The following KCNK10 variants were observed in gnomAD, a reference collection of about 807,000 sequenced individuals.
The protein encoded by KCNK10 is potassium two pore domain channel subfamily K member 10.
In KCNK10, 25 loss-of-function variants were observed where a neutral mutation model predicts 47.7. That is an observed-to-expected ratio of 0.52 (90% CI 0.38 to 0.73). The LOEUF is 0.73. KCNK10 is among the 30% of genes least tolerant of loss of function. The probability of loss-of-function intolerance (pLI) is 0.00; values close to 1 mark genes in which losing one functional copy is unlikely to be tolerated. For synonymous variants in KCNK10, 303 were observed against 285.6 expected, an observed-to-expected ratio of 1.06 and a Z score of -0.61; for missense variants, 563 against 714.5, an observed-to-expected ratio of 0.79 and a Z score of 2.42.
intron 1 of KCNK10, among the ~76,000 whole-genome samples, chr14:88,312,033 C>T (rs1888339027): frequency 1.3e-5 from 2 of 152,116 alleles, no homozygotes; most frequent in Non-Finnish European, 2.9e-5. Flanking sequence ...ACACTCTCAC[C>T]CTGTCCCAGA....
chr14:88,207,926 G>T (rs1334611938), intron 4 of KCNK10, among the ~76,000 whole-genome samples: 1 of 152,202 alleles, frequency 6.6e-6, no homozygotes, highest in Admixed American at 6.5e-5. Context: ...AGACCAGGAG[G>T]AGGGTACAGA....
At chr14:88,325,317 G>C (rs1270572828), upstream of KCNK10, among the ~76,000 whole-genome samples, 1 of 152,168 alleles carries the variant, frequency 6.6e-6, no homozygotes, top group Admixed American at 6.5e-5. Flanking sequence ...GAGTCAGAGA[G>C]GGGCTTCAGC....
chr14:88,269,830 G>A (rs1261822363), intron 1 of KCNK10, among the ~76,000 whole-genome samples: 1 of 152,180 alleles, frequency 6.6e-6, no homozygotes, highest in Non-Finnish European at 1.5e-5. Context: ...GGGCCAGAGA[G>A]GGGACACTGA....
chr14:88,202,509 C>T (rs1422515596), intron 4 of KCNK10, among the ~76,000 whole-genome samples: 4 of 152,224 alleles, frequency 2.6e-5, no homozygotes, highest in Non-Finnish European at 5.9e-5. Context: ...CTTTGAACCA[C>T]ACCCATGCAG....
intron 1 of KCNK10, among the ~76,000 whole-genome samples, chr14:88,267,223 T>C (rs1463360358): frequency 6.6e-6 from 1 of 152,082 alleles, no homozygotes; most frequent in African/African-American, 2.4e-5. Context: ...TTGTCAGGAG[T>C]ACCGGCACAG....
intron 1 of KCNK10, among the ~76,000 whole-genome samples, chr14:88,264,384 GT>G (rs1887200274): frequency 6.6e-6 from 1 of 152,224 alleles, no homozygotes; most frequent in African/African-American, 2.4e-5. Context: ...CTGCACTTCA[GT>G]TTTGTTCTCC....
upstream of KCNK10, among the ~76,000 whole-genome samples, chr14:88,324,046 G>A (rs530662662): frequency 6.6e-6 from 1 of 152,314 alleles, no homozygotes; most frequent in East Asian, 1.9e-4. Context: ...GCCGGACTGG[G>A]GCCGCTGGTC....
At chr14:88,270,896 A>G in intron 1 of KCNK10, 3 of 769,566 alleles carry the variant, frequency 3.9e-6, no homozygotes, top group South Asian at 2.7e-5. Flanking sequence ...AGTAAAGTGC[A>G]GGCTCCATGC....
At chr14:88,314,354 C>A (rs1357558392) in intron 1 of KCNK10, among the ~76,000 whole-genome samples, 1 of 152,184 alleles carries the variant, frequency 6.6e-6, no homozygotes. Context: ...GGGCCCTCAC[C>A]AGATGCCAAA....
At chr14:88,238,659 G>C (rs916560721) in intron 3 of KCNK10, among the ~76,000 whole-genome samples, 1 of 152,188 alleles carries the variant, frequency 6.6e-6, no homozygotes, top group Non-Finnish European at 1.5e-5. Context: ...GGGTGACACA[G>C]AGAGATCCTG....
At chr14:88,246,940 G>A (rs189680592) in intron 2 of KCNK10, among the ~76,000 whole-genome samples, 1 of 152,156 alleles carries the variant, frequency 6.6e-6, no homozygotes, top group East Asian at 1.9e-4. Context: ...GAACCCTTTC[G>A]GAGCACTTCC....
upstream of KCNK10, among the ~76,000 whole-genome samples, chr14:88,324,725 T>C (rs888604662): frequency 2.6e-5 from 4 of 152,184 alleles, no homozygotes; most frequent in Admixed American, 1.3e-4. Flanking sequence ...AATCCCACAC[T>C]AGCAGCTGAT....
At chr14:88,224,226 T>C (rs1361827945) in intron 4 of KCNK10, among the ~76,000 whole-genome samples, 4 of 152,192 alleles carry the variant, frequency 2.6e-5, no homozygotes, top group African/African-American at 9.7e-5. Context: ...TGTAGTCATA[T>C]GTTACACAGC....
At chr14:88,227,343 T>G in intron 4 of KCNK10, 32 bp downstream of exon 4, 1 of 1,553,042 alleles carries the variant, frequency 6.4e-7, no homozygotes, top group Non-Finnish European at 8.7e-7. Flanking sequence ...TGGATCACAG[T>G]GGTTAGAATT....
intron 1 of KCNK10, among the ~76,000 whole-genome samples, chr14:88,273,193 G>A (rs1300657259): frequency 1.3e-5 from 2 of 152,108 alleles, no homozygotes; most frequent in Non-Finnish European, 2.9e-5. Flanking sequence ...AACATTTAAG[G>A]GACAGCAAAG....
chr14:88,262,963 C>T (rs984587363), intron 2 of KCNK10, among the ~76,000 whole-genome samples: 1 of 152,208 alleles, frequency 6.6e-6, no homozygotes, highest in Non-Finnish European at 1.5e-5. Context: ...TGGCCTGCTG[C>T]CGCCTCTGAC....
intron 6 of KCNK10, 99 bp downstream of exon 6, chr14:88,187,868 G>C (rs980185257): frequency 7.0e-4 from 689 of 989,882 alleles, no homozygotes; most frequent in Non-Finnish European, 9.3e-4. Context: ...CTGCAAAACC[G>C]AGCCAGAAAC....
At chr14:88,309,342 C>T (rs955885353) in intron 1 of KCNK10, among the ~76,000 whole-genome samples, 16 of 152,290 alleles carry the variant, frequency 1.1e-4, no homozygotes, top group African/African-American at 3.1e-4. Flanking sequence ...TGGCTCACAC[C>T]GGTAATTCCA....
intron 1 of KCNK10, among the ~76,000 whole-genome samples, chr14:88,280,491 G>A (rs922411106): frequency 6.6e-6 from 1 of 151,974 alleles, no homozygotes; most frequent in Non-Finnish European, 1.5e-5. Flanking sequence ...AAATGTCCTT[G>A]GAACTCCAGC....
Sources: allele counts gnomAD v4.1 joint callset (sites outside exome capture counted in the v4.1 genomes callset), GRCh38; gene constraint gnomAD v4.1.1; transcripts MANE v1.5; gene names NCBI Gene and HGNC (gene_info 2026-07-23, HGNC 2026-07-21).